NRK: variants seen among roughly 807,000 people sequenced by gnomAD.
NRK encodes the protein nik-related protein kinase.
A neutral mutation model predicts 125.2 loss-of-function variants in NRK; 67 were observed. That is an observed-to-expected ratio of 0.54 (90% CI 0.44 to 0.66). The LOEUF (loss-of-function observed/expected upper bound fraction) is 0.66. Ranked by LOEUF, NRK falls within the 30% of genes least tolerant of loss-of-function variation. NRK has a pLI of 0.00. For missense variants in NRK, 1,224 were observed against 1,192.9 expected (o/e 1.03, Z -0.38); for synonymous variants, 458 against 429.0 (o/e 1.07, Z -0.84).
chrX:105,879,112 C>T (rs141724171), intron 2 of NRK, among the ~76,000 whole-genome samples: 70 of 110,736 alleles, frequency 6.3e-4, no homozygotes, highest in Middle Eastern at 9.3e-3. Context: ...ATGACTGTCA[C>T]CCCTTTCTGT....
At position 105,955,685 on chromosome X, in the gene NRK, C is replaced by A; in HGVS notation, c.*85C>A. The A allele has an allele frequency of 2.0e-6, 1 of 491,935 alleles. No homozygotes were observed. Among genetic ancestry groups the A allele is most frequent in the South Asian group, 3.5e-5 (1 of 28,887 alleles). 40.5% of individuals were successfully genotyped at this position (491,935 alleles called of 1,213,427 possible). On this transcript the variant is annotated 3_prime_UTR_variant, in exon 29 of 29. Transcript: ENST00000243300. ...AGATTTCAGAGATTAAATGAGTATT[C>A]AGTTTTATTTTTAGTAAAGATTAAA...
chrX:105,904,783 T>A (rs1204469096), intron 9 of NRK, among the ~76,000 whole-genome samples: 1 of 111,274 alleles, frequency 9.0e-6, no homozygotes, highest in African/African-American at 3.3e-5. Flanking sequence ...ACCTATTTTT[T>A]TTTTCTAGAA....
intron 2 of NRK, among the ~76,000 whole-genome samples, chrX:105,867,390 G>C (rs185465926): frequency 9.0e-6 from 1 of 111,457 alleles, no homozygotes; most frequent in South Asian, 3.8e-4. Flanking sequence ...TAAGGTTATA[G>C]ATAGACCATC....
At position 105,957,315 on chromosome X, in the gene NRK, T is replaced by C. The variant is rs2040989983; in HGVS notation, c.*1715T>C. 9.0e-6 allele frequency: 1 copy of C among 111,215 alleles called. No individual in the cohort carries two copies. Among genetic ancestry groups the C allele is most frequent in the Admixed American group, 9.6e-5 (1 of 10,410 alleles). 9.2% of individuals were successfully genotyped at this position (111,215 alleles called of 1,213,427 possible). A position where few individuals can be genotyped will look rare whatever the true frequency, so the allele number is the denominator to read the frequency against. ...AACAAACTTTTATGTCAAATTTTTT[T>C]TCTTAGAAGTAGTCTTCATTATTAT... On this transcript the variant is annotated 3_prime_UTR_variant, in exon 29 of 29. Coordinates refer to ENST00000243300, the MANE Select transcript of NRK (RefSeq NM_198465.4).
intron 13 of NRK, among the ~76,000 whole-genome samples, chrX:105,910,753 C>T (rs1400712101): frequency 1.8e-5 from 2 of 111,195 alleles, no homozygotes; most frequent in Non-Finnish European, 3.8e-5. Flanking sequence ...GTTGATGGTC[C>T]TTGAAATCAT....
intron 8 of NRK, 80 bp downstream of exon 8, chrX:105,898,794 A>G: frequency 2.3e-6 from 2 of 858,141 alleles, no homozygotes; most frequent in Non-Finnish European, 3.1e-6. Context: ...TGATAAAACA[A>G]AAAATAAAAA....
intron 2 of NRK, among the ~76,000 whole-genome samples, chrX:105,866,106 C>T (rs2039667166): frequency 9.1e-6 from 1 of 109,450 alleles, no homozygotes; most frequent in Non-Finnish European, 1.9e-5. Flanking sequence ...TTTTTCTTAC[C>T]TTAAATTTAT....
intron 4 of NRK, among the ~76,000 whole-genome samples, chrX:105,884,869 C>T (rs1440924420): frequency 8.9e-6 from 1 of 112,262 alleles, no homozygotes; most frequent in African/African-American, 3.2e-5. Flanking sequence ...TGCAGTGGCA[C>T]AATCTTGGCC....
In NRK at chrX:105,891,913, T is replaced by C. The variant is rs892709615; in HGVS notation, c.379-1919T>C. ...GCATAGTTTAGTTACTGAGGAATTT[T>C]TTTTGGCATATACCATTTGTCTTTT... On this transcript the variant is annotated intron_variant, in intron 5 of 28. Transcript: ENST00000243300. Among the ~76,000 whole-genome samples the C allele has an allele frequency of 6.2e-5, 7 of 112,118 alleles. No individual in the cohort carries two copies. In the South Asian group the frequency reaches 1.1e-3, roughly 18 times the overall value.
Position 105,939,942 on chromosome X carries a change from G to C in NRK, c.3868G>C (p.Glu1290Gln). 8.4e-7 allele frequency: 1 copy of C among 1,183,973 alleles called. No homozygotes were observed. The change falls in exon 23 of 29, where the codon GAA becomes CAA. Residue 1290 changes from glutamate to glutamine, a missense_variant. By Grantham distance (29) the Glu-to-Gln change is conservative. Coordinates refer to ENST00000243300, the MANE Select transcript of NRK (RefSeq NM_198465.4). ...LRNKILNNDPESKRRQEEMLK... is the reference protein window; with the variant it reads ...LRNKILNNDPQSKRRQEEMLK... ...GAACAAGATTTTGAATAATGATCCA[G>C]AAAGTAAAAGAAGGCAAGAAGAAAT...
chrX:105,915,778 C>T lies in NRK; in HGVS notation c.2398C>T (p.His800Tyr). 1 of 1,130,458 alleles carries T rather than the reference C, an allele frequency of 8.8e-7. No homozygotes were observed. The highest frequency in any genetic ancestry group is 1.9e-5 in the South Asian group (1 of 53,764). The allele number at this position is 1,130,458 out of a possible 1,213,427, so 93.2% of individuals were successfully genotyped here. The change falls in exon 15 of 29, where the codon CAT (histidine) becomes TAT (tyrosine). Residue 800 changes from histidine to tyrosine, a missense_variant. By Grantham distance (83) the His-to-Tyr change is moderately conservative. Coordinates refer to ENST00000243300, the MANE Select transcript of NRK (RefSeq NM_198465.4). ...GCCTAACAACCAGGATCATGCACAT[C>T]ATGTCAAGTTCTCTTCAAGGTATGT... Reference protein sequence around the residue: ...SVPNNQDHAHHVKFSSSVPQR... With the variant: ...SVPNNQDHAHYVKFSSSVPQR...
At chrX:105,828,700 AAT>A (rs946565468) in intron 1 of NRK, among the ~76,000 whole-genome samples, 12 of 111,826 alleles carry the variant, frequency 1.1e-4, no homozygotes, top group African/African-American at 3.9e-4. Context: ...CCATCACATA[AAT>A]ATGCTACAGT....
At chrX:105,918,698 G>T (rs181095750) in intron 16 of NRK, among the ~76,000 whole-genome samples, 7 of 110,644 alleles carry the variant, frequency 6.3e-5, no homozygotes, top group Admixed American at 9.7e-5. Context: ...AAAATTTAAG[G>T]TTTATTCATG....
chrX:105,897,513 T>C (rs777543993), intron 7 of NRK, among the ~76,000 whole-genome samples: 3 of 112,088 alleles, frequency 2.7e-5, no homozygotes, highest in African/African-American at 6.5e-5. Context: ...TTGCTCTTTT[T>C]TCTTTTCTTC....
intron 2 of NRK, among the ~76,000 whole-genome samples, chrX:105,872,817 CTT>C (rs773865112): frequency 7.2e-5 from 8 of 111,529 alleles, no homozygotes; most frequent in African/African-American, 2.6e-4. Context: ...AGCCACATGT[CTT>C]TGTTTTTCTG....
intron 27 of NRK, among the ~76,000 whole-genome samples, chrX:105,950,513 A>C (rs775499199): frequency 1.9e-5 from 2 of 102,967 alleles, no homozygotes; most frequent in Non-Finnish European, 4.0e-5. Flanking sequence ...GAGAAAATAA[A>C]GGAAAAAGGC....
rs774239810 is a variant in NRK at position 105,905,299 on chromosome X, C to T, written c.801C>T (p.Phe267=). The T allele has an allele frequency of 3.3e-6, 4 of 1,206,312 alleles. No individual in the cohort carries two copies. The highest frequency in any genetic ancestry group is 1.8e-5 in the South Asian group (1 of 56,455). Residue 267 remains phenylalanine, a synonymous_variant, in exon 10 of 29, where the codon TTC becomes TTT. Coordinates refer to ENST00000243300, the MANE Select transcript of NRK (RefSeq NM_198465.4). Reference sequence around the variant, plus strand: ...ACCTTCAACCCTTGGAAGCTCTCTTCGTTATTTTGCGGGAATCTGCTCCCA... The same window carrying T: ...ACCTTCAACCCTTGGAAGCTCTCTTTGTTATTTTGCGGGAATCTGCTCCCA... ...LCNLQPLEAL[F]VILRESAPTV...
At position 105,900,147 on chromosome X, in the gene NRK, G is replaced by C. The variant is rs2040137911; in HGVS notation, c.712-471G>C. Among the ~76,000 whole-genome samples, 3 of 84,132 alleles carry C rather than the reference G, an allele frequency of 3.6e-5. No homozygotes were observed. In the South Asian group the frequency reaches 2.2e-3, roughly 61 times the overall value. 73.1% of individuals were successfully genotyped at this position (84,132 alleles called of 115,157 possible). A position where few individuals can be genotyped will look rare whatever the true frequency, so the allele number is the denominator to read the frequency against. On this transcript the variant is annotated intron_variant, in intron 8 of 28. Transcript: ENST00000243300. Reference sequence around the variant, plus strand: ...AGTTTAGTATATTCCAGGAACTGCTGAAGTACACACACACACACACACACA... The same window carrying C: ...AGTTTAGTATATTCCAGGAACTGCTCAAGTACACACACACACACACACACA...
At chrX:105,901,499 C>T (rs1361166352) in intron 9 of NRK, among the ~76,000 whole-genome samples, 1 of 111,319 alleles carries the variant, frequency 9.0e-6, no homozygotes, top group Non-Finnish European at 1.9e-5. Context: ...TTTGCTTTCC[C>T]CTCTCCAAAG....
Sources: gnomAD v4.1 joint callset for allele counts (sites outside exome capture counted in the v4.1 genomes callset) on GRCh38, gnomAD v4.1.1 for gene constraint, MANE v1.5 for transcripts, NCBI Gene and HGNC (gene_info 2026-07-23, HGNC 2026-07-21) for gene names.